SKIL: variants seen among roughly 807,000 people sequenced by gnomAD.
SKIL encodes SKI like proto-oncogene, also known as ski-like protein.
SKIL carries 20 observed loss-of-function variants against 69.6 expected under a neutral mutation model. That is an observed-to-expected ratio of 0.29 (90% CI 0.20 to 0.42). The LOEUF (loss-of-function observed/expected upper bound fraction) is 0.42. Among genes scored for constraint, SKIL ranks in the 10% least tolerant of loss-of-function variants. SKIL has a pLI of 1.00. For synonymous variants in SKIL, 310 were observed against 279.9 expected (o/e 1.11, Z -1.08); for missense variants, 745 against 783.1 (o/e 0.95, Z 0.58).
rs1738026057 is a variant in SKIL at position 170,393,423 on chromosome 3, T to C, written c.*1006T>C. 6.6e-6 allele frequency: 1 copy of C among 152,192 alleles called. No homozygotes were observed. Among genetic ancestry groups the C allele is most frequent in the South Asian group, 2.1e-4 (1 of 4,834 alleles). The allele number at this position is 152,192 out of a possible 1,614,324, so 9.4% of individuals were successfully genotyped here. ...ATTTGCACGAATGGACCATTTTCAT[T>C]TACTACTTAATATCAAAATCAGGAA... is the stretch of plus-strand genomic sequence containing the variant. On this transcript the variant is annotated 3_prime_UTR_variant, in exon 7 of 7. Transcript: ENST00000259119.
chr3:170,390,462 A>G lies in SKIL; in HGVS notation c.1669A>G (p.Met557Val), dbSNP rs756986050. ...TTTGCAAAAGAAGCAACAACTTCAG[A>G]TGGTAAAATTGTTATCTAAATGATA... is the stretch of plus-strand genomic sequence containing the variant. The part of the protein sequence containing the change: ...LILQKKQQLQ[M>V]EVKMLSSSKS... The change falls in exon 5 of 7, where the codon ATG (methionine) becomes GTG (valine). Residue 557 changes from methionine to valine, a missense_variant and splice_region_variant. Met to Val is a conservative substitution (Grantham distance 21, BLOSUM62 1). Coordinates refer to ENST00000259119, the MANE Select transcript of SKIL (RefSeq NM_005414.5). 1 of 1,607,400 alleles carries G rather than the reference A, an allele frequency of 6.2e-7. No individual in the cohort carries two copies. The highest frequency in any genetic ancestry group is 8.5e-7 in the Non-Finnish European group (1 of 1,174,248).
intron 6 of SKIL, 140 bp downstream of exon 6, chr3:170,391,400 C>A: frequency 1.7e-6 from 1 of 588,188 alleles, no homozygotes. Flanking sequence ...TCCCCACAAC[C>A]TCTGCCTCCC....
chr3:170,384,388 T>C (rs1488264280), intron 3 of SKIL, 145 bp from the exon 4 acceptor site: 15 of 541,780 alleles, frequency 2.8e-5, no homozygotes, highest in African/African-American at 2.7e-4. Context: ...AATTCTTTAC[T>C]GTGACCTTTA....
chr3:170,392,397 TCAAAGACTG>T lies in SKIL; in HGVS notation c.2037_2045del (p.Lys680_Ala682del). 1 of 1,610,606 alleles carries T rather than the reference TCAAAGACTG, an allele frequency of 6.2e-7. No homozygotes were observed. Among genetic ancestry groups the T allele is most frequent in the Non-Finnish European group, 8.5e-7 (1 of 1,177,746 alleles). ...GCTAAAGCTGCAAATTCTGAAATCA[TCAAAGACTG>T]CTAAAGAATAGAAACTGTTAAAGAG... On this transcript the variant is annotated inframe_deletion, in exon 7 of 7. Transcript: ENST00000259119.
chr3:170,360,296 A>G lies in SKIL; in HGVS notation c.-36A>G, dbSNP rs1298609350. ...AAATAAGCAACTAAATAGAAATGCTAATCTCAGACTTAATTATTTAACAGA... is the reference window on the plus strand; with the variant it reads ...AAATAAGCAACTAAATAGAAATGCTGATCTCAGACTTAATTATTTAACAGA... On this transcript the variant is annotated 5_prime_UTR_variant, in exon 2 of 7. Coordinates refer to ENST00000259119, the MANE Select transcript of SKIL (RefSeq NM_005414.5). 3 of 1,506,750 alleles carry G rather than the reference A, an allele frequency of 2.0e-6. No homozygotes were observed. Among genetic ancestry groups the G allele is most frequent in the African/African-American group, 2.8e-5 (2 of 71,580 alleles). 93.3% of individuals were successfully genotyped at this position (1,506,750 alleles called of 1,614,324 possible).
intron 2 of SKIL, among the ~76,000 whole-genome samples, chr3:170,367,841 A>AG (rs1560209102): frequency 6.6e-6 from 1 of 152,156 alleles, no homozygotes; most frequent in Non-Finnish European, 1.5e-5. Context: ...TAATCTACTT[A>AG]GGGGGGAAAA....
chr3:170,384,558 G>A lies in SKIL; in HGVS notation c.1222G>A (p.Val408Met). ...PSYYLYMCDK[V>M]VAPNVSLTSA... ...CTACTACTTATACATGTGTGATAAA[G>A]TGGTTGCCCCAAATGTGTCACTTAC... Residue 408 changes from valine to methionine, a missense_variant, in exon 4 of 7, where the codon GTG (valine) becomes ATG (methionine). Coordinates refer to ENST00000259119, the MANE Select transcript of SKIL (RefSeq NM_005414.5). 2 of 1,602,738 alleles carry A rather than the reference G, an allele frequency of 1.2e-6. No individual in the cohort carries two copies.
In SKIL at chr3:170,396,107, G is replaced by A. The variant is rs1738171561; in HGVS notation, c.*3690G>A. The A allele has an allele frequency of 6.8e-6, 1 of 147,138 alleles. No individual in the cohort carries two copies. Among genetic ancestry groups the A allele is most frequent in the Non-Finnish European group, 1.5e-5 (1 of 67,310 alleles). 9.1% of individuals were successfully genotyped at this position (147,138 alleles called of 1,614,324 possible). ...TTAGTAATAGAATTAAATGTCCTAT[G>A]TAGTGCTACAATTTTTGAATTAGAA... is the stretch of plus-strand genomic sequence containing the variant. On this transcript the variant is annotated 3_prime_UTR_variant, in exon 7 of 7. Coordinates refer to ENST00000259119, the MANE Select transcript of SKIL (RefSeq NM_005414.5).
At chr3:170,371,514 G>T (rs1047789958) in intron 2 of SKIL, among the ~76,000 whole-genome samples, 1 of 151,854 alleles carries the variant, frequency 6.6e-6, no homozygotes, top group Non-Finnish European at 1.5e-5. Flanking sequence ...CTCAAAAAAA[G>T]AAAAAGAAAA....
At position 170,361,040 on chromosome 3, in the gene SKIL, C is replaced by G. The variant is rs367787976; in HGVS notation, c.709C>G (p.Arg237Gly). ...ATTATGTAATGCTTTATTGCGGCCA[C>G]GAACTTTTCCTCAAAATGGTAGCGT... is the stretch of plus-strand genomic sequence containing the variant. The part of the protein sequence containing the change: ...QRLCNALLRP[R>G]TFPQNGSVLP... Residue 237 changes from arginine to glycine, a missense_variant, in exon 2 of 7, where the codon CGA becomes GGA. Transcript: ENST00000259119. 2 of 1,614,168 alleles carry G rather than the reference C, an allele frequency of 1.2e-6. No homozygotes were observed. Among genetic ancestry groups the G allele is most frequent in the African/African-American group, 1.3e-5 (1 of 75,042 alleles).
chr3:170,359,409 A>G (rs1405218325), intron 1 of SKIL, among the ~76,000 whole-genome samples: 1 of 152,130 alleles, frequency 6.6e-6, no homozygotes, highest in Non-Finnish European at 1.5e-5. Flanking sequence ...CAGCCTGACT[A>G]ATATGGTGAA....
At chr3:170,370,457 A>G (rs1310692970) in intron 2 of SKIL, among the ~76,000 whole-genome samples, 1 of 38,216 alleles carries the variant, frequency 2.6e-5, no homozygotes, top group Admixed American at 4.3e-4. Flanking sequence ...CCCCCCCCCG[A>G]GCAGGAGTTC....
intron 2 of SKIL, among the ~76,000 whole-genome samples, chr3:170,362,758 TAA>T (rs1352573297): frequency 6.7e-6 from 1 of 149,770 alleles, no homozygotes; most frequent in Admixed American, 6.7e-5. Flanking sequence ...GAGGTTGCAG[TAA>T]GCCGAGATCA....
intron 4 of SKIL, among the ~76,000 whole-genome samples, chr3:170,386,247 C>T (rs1737625646): frequency 6.6e-6 from 1 of 151,968 alleles, no homozygotes; most frequent in South Asian, 2.1e-4. Flanking sequence ...TCTCCTGCCT[C>T]AGCCTCCTGA....
At chr3:170,372,582 G>A (rs1322218592) in intron 2 of SKIL, among the ~76,000 whole-genome samples, 2 of 152,138 alleles carry the variant, frequency 1.3e-5, no homozygotes, top group Non-Finnish European at 2.9e-5. Flanking sequence ...ACAACATGTT[G>A]GAAATATTAA....
chr3:170,364,004 G>T (rs149220331), intron 2 of SKIL, among the ~76,000 whole-genome samples: 3,689 of 151,786 alleles, frequency 0.024, 65 homozygotes, highest in Non-Finnish European at 0.037. Context: ...AGGCTGGAGT[G>T]CAGTGGCACG....
intron 2 of SKIL, among the ~76,000 whole-genome samples, chr3:170,377,725 T>G (rs1021336010): frequency 3.3e-5 from 5 of 150,142 alleles, no homozygotes; most frequent in Non-Finnish European, 7.4e-5. Flanking sequence ...ATTTTTTTTT[T>G]TTGTATTTTT....
At chr3:170,365,870 C>T (rs1320824022) in intron 2 of SKIL, among the ~76,000 whole-genome samples, 4 of 151,398 alleles carry the variant, frequency 2.6e-5, no homozygotes, top group Non-Finnish European at 5.9e-5. Flanking sequence ...ATTCTCCTGC[C>T]TCAGCCTCCC....
chr3:170,395,444 A>T lies in SKIL; in HGVS notation c.*3027A>T, dbSNP rs1312701705. 6.6e-6 allele frequency: 1 copy of T among 152,144 alleles called. No individual in the cohort carries two copies. The highest frequency in any genetic ancestry group is 1.5e-5 in the Non-Finnish European group (1 of 67,960). The allele number at this position is 152,144 out of a possible 1,614,324, so 9.4% of individuals were successfully genotyped here. On this transcript the variant is annotated 3_prime_UTR_variant, in exon 7 of 7. Transcript: ENST00000259119. ...CCAGTTAAGATATAAAATCATTTGT[A>T]CATAGCGAATTGTAAAGCAGCTATT... is the stretch of plus-strand genomic sequence containing the variant.
Sources: gnomAD v4.1 joint callset for allele counts (sites outside exome capture counted in the v4.1 genomes callset) on GRCh38, gnomAD v4.1.1 for gene constraint, MANE v1.5 for transcripts, NCBI Gene and HGNC (gene_info 2026-07-23, HGNC 2026-07-21) for gene names.